The following RANBP17 variants were observed in gnomAD, a reference collection of about 807,000 sequenced individuals.
RANBP17 encodes RAN binding protein 17.
Under a neutral mutation model 141.2 loss-of-function variants are expected in RANBP17, and 158 were observed. That is an observed-to-expected ratio of 1.12 (90% CI 0.98 to 1.28). The LOEUF is 1.28. Ranked by LOEUF, RANBP17 falls within the 50% of genes most tolerant of loss-of-function variation. The probability of loss-of-function intolerance (pLI) is 0.00; values close to 1 mark genes in which losing one functional copy is unlikely to be tolerated. For synonymous variants in RANBP17, 430 were observed against 450.0 expected (o/e 0.96, Z 0.56); for missense variants, 1,438 against 1,290.7 (o/e 1.11, Z -1.75).
Position 171,205,626 on chromosome 5 carries a change from A to G in RANBP17, c.2231+14A>G, listed in dbSNP as rs781223427. ...GTTTGACTGGATGTATCCTTATTAC[A>G]CTGTGACAATACCAGCTCTGTGCAC... On this transcript the variant is annotated intron_variant, in intron 20 of 27. Coordinates refer to ENST00000523189, the MANE Select transcript of RANBP17 (RefSeq NM_022897.5). 1 of 1,600,650 alleles carries G rather than the reference A, an allele frequency of 6.2e-7. No homozygotes were observed. Among genetic ancestry groups the G allele is most frequent in the South Asian group, 1.1e-5 (1 of 90,800 alleles).
intron 1 of RANBP17, among the ~76,000 whole-genome samples, chr5:170,874,033 G>A (rs1767964454): frequency 6.6e-6 from 1 of 152,120 alleles, no homozygotes; most frequent in African/African-American, 2.4e-5. Context: ...CAGAGATTCT[G>A]GTATGTTGGC....
intron 12 of RANBP17, among the ~76,000 whole-genome samples, chr5:170,936,898 T>A (rs1773923062): frequency 6.6e-6 from 1 of 152,232 alleles, no homozygotes; most frequent in African/African-American, 2.4e-5. Context: ...TATGTCTTCC[T>A]TATTGACCTT....
At chr5:170,882,028 T>G in intron 3 of RANBP17, 132 bp downstream of exon 3, 1 of 581,654 alleles carries the variant, frequency 1.7e-6, no homozygotes, top group South Asian at 2.8e-5. Context: ...CAAGTCTCAT[T>G]TACTCATCTG....
chr5:171,198,784 C>T (rs1236554569), intron 18 of RANBP17, among the ~76,000 whole-genome samples: 3 of 152,188 alleles, frequency 2.0e-5, no homozygotes, highest in Non-Finnish European at 4.4e-5. Context: ...TGAACCATGT[C>T]GTTCCACCTC....
Position 171,219,559 on chromosome 5 carries a change from T to C in RANBP17, c.2340-2199T>C, listed in dbSNP as rs199665049. On this transcript the variant is annotated intron_variant, in intron 21 of 27. Transcript: ENST00000523189. ...TGGCAGGTTTGGTCTTTTCACATAG[T>C]CCCATTTTTCTTGGAGGCTTTGTTC... 3.3e-5 allele frequency among the ~76,000 whole-genome samples: 5 copies of C among 152,258 alleles called. No homozygotes were observed. The East Asian group carries it at 7.7e-4, about 24-fold the overall frequency.
rs1762536280 is a variant in RANBP17 at position 171,205,622 on chromosome 5, T to C, written c.2231+10T>C. On this transcript the variant is annotated intron_variant, in intron 20 of 27. Transcript: ENST00000523189. ...TGCTGTTTGACTGGATGTATCCTTA[T>C]TACACTGTGACAATACCAGCTCTGT... 1.2e-6 allele frequency: 2 copies of C among 1,606,516 alleles called. No individual in the cohort carries two copies. The highest frequency in any genetic ancestry group is 2.7e-5 in the African/African-American group (2 of 74,872).
At chr5:170,958,031 G>A (rs1179748997) in intron 13 of RANBP17, among the ~76,000 whole-genome samples, 3 of 152,008 alleles carry the variant, frequency 2.0e-5, no homozygotes, top group East Asian at 1.9e-4. Context: ...AACCAACTAT[G>A]TAAGGTGGTG....
chr5:170,957,072 A>AACACACACACACACACACAC (rs58034888), intron 13 of RANBP17, among the ~76,000 whole-genome samples: 28 of 142,988 alleles, frequency 2.0e-4, no homozygotes, highest in East Asian at 4.3e-4. Flanking sequence ...TCTGTCTCAA[A>AACACACACACACACACACAC]ACACACACAC....
chr5:170,955,291 T>A (rs2127499822), intron 13 of RANBP17, among the ~76,000 whole-genome samples: 1 of 152,018 alleles, frequency 6.6e-6, no homozygotes, highest in South Asian at 2.1e-4. Flanking sequence ...AACAAATGTA[T>A]TATTTCAATT....
chr5:170,894,486 T>TTATATATATATATATATATA (rs3080623), intron 4 of RANBP17, among the ~76,000 whole-genome samples: 4 of 133,304 alleles, frequency 3.0e-5, no homozygotes, highest in African/African-American at 1.2e-4. Context: ...TACGTGTTTT[T>TTATATATATATATATATATA]TATATATATA....
Position 171,252,697 on chromosome 5 carries a change from CCAGACAGAATGTA to C in RANBP17, c.2776+9881_2776+9893del, listed in dbSNP as rs1765649841. 1.4e-5 allele frequency: 21 copies of C among 1,452,460 alleles called. No individual in the cohort carries two copies. In the South Asian group the frequency reaches 2.3e-4, roughly 16 times the overall value. The allele number at this position is 1,452,460 out of a possible 1,614,324, so 90.0% of individuals were successfully genotyped here. A position where few individuals can be genotyped will look rare whatever the true frequency, so the allele number is the denominator to read the frequency against. ...TAACACTTCAGGTGATGCCACCAATCCAGACAGAATGTACAGCCTTGTTGCTGTTGTGGTTCAC... is the reference window on the plus strand; with the variant it reads ...TAACACTTCAGGTGATGCCACCAATCCAGCCTTGTTGCTGTTGTGGTTCAC... On this transcript the variant is annotated intron_variant, in intron 24 of 27. Transcript: ENST00000523189.
chr5:170,916,439 A>G (rs1771975579), intron 8 of RANBP17, 26 bp from the exon 9 acceptor site: 1 of 1,507,430 alleles, frequency 6.6e-7, no homozygotes, highest in Non-Finnish European at 8.9e-7. Flanking sequence ...TGAAAATTGA[A>G]ATGAAATTTT....
At chr5:170,915,496 C>G (rs146501984) in intron 8 of RANBP17, among the ~76,000 whole-genome samples, 1 of 152,200 alleles carries the variant, frequency 6.6e-6, no homozygotes, top group African/African-American at 2.4e-5. Flanking sequence ...ACTTGTACTT[C>G]TGAGTTTCCT....
rs1193376051 is a variant in RANBP17, at chr5:171,277,069, CT to C, written c.2943+11235del. On this transcript the variant is annotated intron_variant, in intron 25 of 27. Transcript: ENST00000523189. The stretch of plus-strand genomic sequence containing the variant: ...TGACATTCAGTGATTTTTGGTTTGT[CT>C]TTTTTTTTTTTTCTTAAGAATTCTC... 2.5e-3 allele frequency among the ~76,000 whole-genome samples: 351 copies of C among 141,840 alleles called. 3 individuals are homozygous for C. The highest frequency in any genetic ancestry group is 4.3e-3 in the African/African-American group (170 of 39,090). The allele number at this position is 141,840 out of a possible 152,430, so 93.1% of individuals were successfully genotyped here. A position where few individuals can be genotyped will look rare whatever the true frequency, so the allele number is the denominator to read the frequency against.
At chr5:171,241,170 T>C (rs762484181) in intron 23 of RANBP17, 28 bp downstream of exon 23, 4 of 1,543,702 alleles carry the variant, frequency 2.6e-6, no homozygotes, top group Middle Eastern at 1.7e-4. Flanking sequence ...ATGGGAGTGT[T>C]TGTATGAAAT....
chr5:171,045,736 G>A (rs931694725), intron 14 of RANBP17, among the ~76,000 whole-genome samples: 47 of 152,066 alleles, frequency 3.1e-4, no homozygotes, highest in African/African-American at 1.1e-3. Context: ...ATCTTTTCTG[G>A]TGTACAGTTC....
intron 14 of RANBP17, among the ~76,000 whole-genome samples, chr5:171,141,420 C>T (rs1288019001): frequency 2.7e-5 from 4 of 148,798 alleles, no homozygotes; most frequent in Non-Finnish European, 4.4e-5. Context: ...CATGGTGAAA[C>T]CCCATCTCTA....
chr5:171,080,722 C>G (rs949107259), intron 14 of RANBP17, among the ~76,000 whole-genome samples: 1 of 152,164 alleles, frequency 6.6e-6, no homozygotes, highest in East Asian at 1.9e-4. Context: ...GGGAAAATAT[C>G]TTCTCTACGT....
intron 14 of RANBP17, among the ~76,000 whole-genome samples, chr5:171,108,569 C>T (rs113148047): frequency 0.011 from 1,626 of 152,102 alleles, 31 homozygotes; most frequent in African/African-American, 0.038. Context: ...TGCATCACCA[C>T]GCCCTGATGA....
Sources: allele counts gnomAD v4.1 joint callset (sites outside exome capture counted in the v4.1 genomes callset), GRCh38; gene constraint gnomAD v4.1.1; transcripts MANE v1.5; gene names NCBI Gene and HGNC (gene_info 2026-07-23, HGNC 2026-07-21).